Variants in GABRG3 observed in about 807,000 individuals in gnomAD.
GABRG3 encodes gamma-aminobutyric acid receptor subunit gamma-3.
GABRG3 carries 25 observed loss-of-function variants against 48.8 expected under a neutral mutation model. The ratio of observed to expected loss-of-function variants is 0.51; its 90% CI spans 0.37 to 0.72. The LOEUF is 0.72. GABRG3 is among the 30% of genes least tolerant of loss of function. The pLI, the probability that GABRG3 is intolerant of heterozygous loss-of-function variation, is 0.00. For synonymous variants in GABRG3, 227 were observed against 217.6 expected (o/e 1.04, Z -0.38); for missense variants, 394 against 577.9 (o/e 0.68, Z 3.26).
At chr15:27,420,847 A>G (rs1888092008) in intron 5 of GABRG3, 1 of 152,246 alleles carries the variant, frequency 6.6e-6, no homozygotes, top group Admixed American at 6.5e-5. Context: ...AAATAAAAGT[A>G]GTGCCAAGGA....
intron 3 of GABRG3, among the ~76,000 whole-genome samples, chr15:27,195,850 G>T (rs1888480626): frequency 6.6e-6 from 1 of 152,100 alleles, no homozygotes; most frequent in African/African-American, 2.4e-5. Context: ...GGCCAGGCTG[G>T]CCTCAAACTC....
intron 5 of GABRG3, among the ~76,000 whole-genome samples, chr15:27,459,748 G>A (rs1026084931): frequency 8.5e-5 from 13 of 152,310 alleles, no homozygotes; most frequent in Non-Finnish European, 1.2e-4. Flanking sequence ...GGTTGCGCAT[G>A]TGCACACACA....
chr15:27,162,014 A>T (rs935012851), intron 3 of GABRG3, among the ~76,000 whole-genome samples: 1 of 152,146 alleles, frequency 6.6e-6, no homozygotes. Context: ...TTACACATAC[A>T]CTATAATTTT....
intron 3 of GABRG3, among the ~76,000 whole-genome samples, chr15:27,074,830 C>T (rs1291412579): frequency 1.3e-5 from 2 of 152,022 alleles, no homozygotes; most frequent in Admixed American, 6.5e-5. Flanking sequence ...GAAAGCGAAT[C>T]GAAGGAAGTG....
intron 5 of GABRG3, among the ~76,000 whole-genome samples, chr15:27,357,972 A>G (rs1894895814): frequency 6.6e-6 from 1 of 152,232 alleles, no homozygotes. Context: ...ATTGGAAAAT[A>G]TTGGTTCACA....
rs1241229304 is a variant in GABRG3 at position 27,209,445 on chromosome 15, A to C, written c.271-117364A>C. Among the ~76,000 whole-genome samples, 8 of 148,276 alleles carry C rather than the reference A, an allele frequency of 5.4e-5. No homozygotes were observed. In the East Asian group the frequency reaches 1.6e-3, roughly 30 times the overall value. ...TCTTCTGTTGCCCAGGCTGGAGTGC[A>C]GTGGCGCTATCCCGGCCCGGCCGGT... On this transcript the variant is annotated intron_variant, in intron 3 of 9. Transcript: ENST00000615808.
At chr15:27,351,455 GTGTT>G (rs781167196) in intron 5 of GABRG3, among the ~76,000 whole-genome samples, 14 of 145,600 alleles carry the variant, frequency 9.6e-5, no homozygotes, top group East Asian at 8.4e-4. Context: ...TATGGTGTGT[GTGTT>G]TGTGTGTGTA....
At chr15:27,531,491 C>A in intron 9 of GABRG3, among the ~76,000 whole-genome samples, 1 of 152,344 alleles carries the variant, frequency 6.6e-6, no homozygotes, top group South Asian at 2.1e-4. Context: ...TCTGTCCCAG[C>A]AGTGTGCCAC....
intron 5 of GABRG3, among the ~76,000 whole-genome samples, chr15:27,436,381 T>C (rs1438600458): frequency 6.6e-6 from 1 of 152,172 alleles, no homozygotes; most frequent in Non-Finnish European, 1.5e-5. Context: ...TTTGAGCACA[T>C]GAATTTTGGA....
In GABRG3 at chr15:27,534,552, C is replaced by A. The variant is rs752004032; in HGVS notation, c.*1671C>A. ...CTTCTCATCTTTCTCACATAGAAAA[C>A]TGAATTAATTTGACCTAGAAACCGT... On this transcript the variant is annotated 3_prime_UTR_variant, in exon 10 of 10. Transcript: ENST00000615808. The A allele has an allele frequency of 2.0e-5, 3 of 152,152 alleles. No homozygotes were observed. Among genetic ancestry groups the A allele is most frequent in the African/African-American group, 4.8e-5 (2 of 41,410 alleles). 9.4% of individuals were successfully genotyped at this position (152,152 alleles called of 1,614,324 possible). A position where few individuals can be genotyped will look rare whatever the true frequency, so the allele number is the denominator to read the frequency against.
intron 5 of GABRG3, chr15:27,350,165 C>T (rs772368848): frequency 8.6e-5 from 39 of 455,852 alleles, no homozygotes; most frequent in Admixed American, 1.6e-4. Context: ...TCATGCATAT[C>T]GCTGACGTTT....
chr15:27,529,337 A>C (rs911450019), intron 9 of GABRG3, among the ~76,000 whole-genome samples: 5 of 152,226 alleles, frequency 3.3e-5, no homozygotes, highest in Non-Finnish European at 5.9e-5. Flanking sequence ...TTTTTAAATT[A>C]ATGATGTGAA....
intron 5 of GABRG3, among the ~76,000 whole-genome samples, chr15:27,463,280 T>TGTTAAGAAA (rs1889504182): frequency 6.6e-6 from 1 of 152,230 alleles, no homozygotes; most frequent in Non-Finnish European, 1.5e-5. Context: ...GTTAAAATTC[T>TGTTAAGAAA]ATTGAAGAAT....
At chr15:27,306,683 T>A (rs188270259) in intron 3 of GABRG3, among the ~76,000 whole-genome samples, 2 of 77,892 alleles carry the variant, frequency 2.6e-5, no homozygotes, top group African/African-American at 9.9e-5. Context: ...TAAACATATA[T>A]ATGAACATGT....
intron 3 of GABRG3, among the ~76,000 whole-genome samples, chr15:27,166,568 G>A (rs1187767505): frequency 6.6e-6 from 1 of 152,062 alleles, no homozygotes. Flanking sequence ...AAGGCCGTGT[G>A]TGGAATGATG....
At chr15:27,494,552 A>G (rs1890436531) in intron 6 of GABRG3, among the ~76,000 whole-genome samples, 1 of 152,136 alleles carries the variant, frequency 6.6e-6, no homozygotes, top group African/African-American at 2.4e-5. Flanking sequence ...GCCTTATTTT[A>G]TATTAAGTGA....
Position 27,029,660 on chromosome 15 carries a change from T to C in GABRG3, c.270+2839T>C, listed in dbSNP as rs543223698. Among the ~76,000 whole-genome samples, 11 of 152,290 alleles carry C rather than the reference T, an allele frequency of 7.2e-5. No individual in the cohort carries two copies. In the East Asian group the frequency reaches 9.7e-4, roughly 13 times the overall value. On this transcript the variant is annotated intron_variant, in intron 3 of 9. Coordinates refer to ENST00000615808, the MANE Select transcript of GABRG3 (RefSeq NM_033223.5). Reference sequence around the variant, plus strand: ...TTTGCCATCCGACTAGTGTGAGGCATTGTCCTGGGTGAAGGTGAGACACGA... The same window carrying C: ...TTTGCCATCCGACTAGTGTGAGGCACTGTCCTGGGTGAAGGTGAGACACGA...
intron 3 of GABRG3, among the ~76,000 whole-genome samples, chr15:27,187,162 C>A (rs1888124847): frequency 6.6e-6 from 1 of 152,158 alleles, no homozygotes; most frequent in Non-Finnish European, 1.5e-5. Flanking sequence ...GTTATCCCAG[C>A]ATTATTTATT....
chr15:27,061,663 A>G (rs1428374211), intron 3 of GABRG3, among the ~76,000 whole-genome samples: 1 of 152,056 alleles, frequency 6.6e-6, no homozygotes, highest in Non-Finnish European at 1.5e-5. Flanking sequence ...TGATGGGGCA[A>G]GTCTCCCTAT....
Sources: gnomAD v4.1 joint callset for allele counts (sites outside exome capture counted in the v4.1 genomes callset) on GRCh38, gnomAD v4.1.1 for gene constraint, MANE v1.5 for transcripts, NCBI Gene and HGNC (gene_info 2026-07-23, HGNC 2026-07-21) for gene names.